Variants in SNTG1 observed in about 807,000 individuals in gnomAD.
SNTG1 encodes syntrophin gamma 1.
In SNTG1, 39 loss-of-function variants were observed where a neutral mutation model predicts 74.7. That is an observed-to-expected ratio of 0.52 (90% CI 0.40 to 0.68). SNTG1 has a LOEUF of 0.68. SNTG1 is among the 30% of genes least tolerant of loss of function. The pLI is 0.00. For missense variants in SNTG1, 685 were observed against 609.5 expected (o/e 1.12, Z -1.30); for synonymous variants, 254 against 217.1 (o/e 1.17, Z -1.49).
intron 18 of SNTG1, among the ~76,000 whole-genome samples, chr8:50,784,108 G>A (rs2095667868): frequency 6.6e-6 from 1 of 152,176 alleles, no homozygotes; most frequent in South Asian, 2.1e-4. Flanking sequence ...AAGAGTAGGA[G>A]ATCCAGTTCG....
chr8:49,945,856 C>G (rs1296153607), intron 1 of SNTG1, among the ~76,000 whole-genome samples: 1 of 152,192 alleles, frequency 6.6e-6, no homozygotes, highest in Non-Finnish European at 1.5e-5. Context: ...GGACCAAGAA[C>G]AAGGGGATAT....
chr8:50,082,392 C>T (rs1240999421), intron 1 of SNTG1, among the ~76,000 whole-genome samples: 1 of 152,086 alleles, frequency 6.6e-6, no homozygotes, highest in Admixed American at 6.6e-5. Context: ...CTGACTTTTC[C>T]ACAGTATGTT....
intron 17 of SNTG1, among the ~76,000 whole-genome samples, chr8:50,735,540 T>G (rs2095526229): frequency 6.6e-6 from 1 of 151,654 alleles, no homozygotes; most frequent in African/African-American, 2.4e-5. Context: ...AAGATCAACT[T>G]AATGAAATAA....
intron 18 of SNTG1, among the ~76,000 whole-genome samples, chr8:50,770,946 AC>A (rs1193884175): frequency 6.6e-6 from 1 of 152,070 alleles, no homozygotes; most frequent in African/African-American, 2.4e-5. Flanking sequence ...TGGCTGCCCA[AC>A]CTTGAACTTT....
At chr8:50,608,667 T>A (rs2094829879) in intron 13 of SNTG1, among the ~76,000 whole-genome samples, 1 of 152,016 alleles carries the variant, frequency 6.6e-6, no homozygotes, top group African/African-American at 2.4e-5. Context: ...TGACAATATC[T>A]ACCATTTGAT....
At chr8:50,429,289 G>C (rs1312559457) in intron 4 of SNTG1, among the ~76,000 whole-genome samples, 2 of 151,932 alleles carry the variant, frequency 1.3e-5, no homozygotes, top group Non-Finnish European at 1.5e-5. Flanking sequence ...CATAACGATA[G>C]ACATAATAGA....
At chr8:50,364,162 G>A (rs1187922501) in intron 2 of SNTG1, among the ~76,000 whole-genome samples, 3 of 152,128 alleles carry the variant, frequency 2.0e-5, no homozygotes, top group African/African-American at 7.2e-5. Context: ...CCTTCCTAGA[G>A]GTTGGGGAAT....
intron 1 of SNTG1, among the ~76,000 whole-genome samples, chr8:50,104,046 G>A (rs999261766): frequency 6.6e-6 from 1 of 152,172 alleles, no homozygotes; most frequent in East Asian, 1.9e-4. Flanking sequence ...TCTCTGCCCA[G>A]CTTTGGCATC....
At chr8:50,572,625 G>A (rs147633434) in intron 12 of SNTG1, among the ~76,000 whole-genome samples, 2 of 152,178 alleles carry the variant, frequency 1.3e-5, no homozygotes, top group African/African-American at 2.4e-5. Flanking sequence ...AAGTAAAAGG[G>A]CATAAAAGGA....
intron 2 of SNTG1, among the ~76,000 whole-genome samples, chr8:50,357,228 G>A (rs1308115148): frequency 6.6e-6 from 1 of 151,912 alleles, no homozygotes. Context: ...TTCTCCCTGG[G>A]GTCTCCCCCT....
At chr8:49,960,677 A>C (rs754150127) in intron 1 of SNTG1, among the ~76,000 whole-genome samples, 2 of 152,140 alleles carry the variant, frequency 1.3e-5, no homozygotes, top group African/African-American at 4.8e-5. Flanking sequence ...CATATATCAC[A>C]TGTAAGTGAG....
intron 10 of SNTG1, among the ~76,000 whole-genome samples, chr8:50,530,622 A>T (rs2094259213): frequency 6.6e-6 from 1 of 152,198 alleles, no homozygotes. Flanking sequence ...ACTAAAAGTA[A>T]CTATTTAATT....
At chr8:50,469,064 C>A (rs569280128) in intron 8 of SNTG1, among the ~76,000 whole-genome samples, 1 of 152,190 alleles carries the variant, frequency 6.6e-6, no homozygotes, top group East Asian at 1.9e-4. Context: ...TATTTACTTG[C>A]GTTTATTCTT....
At chr8:50,151,117 A>G (rs955775907) in intron 1 of SNTG1, among the ~76,000 whole-genome samples, 1 of 152,092 alleles carries the variant, frequency 6.6e-6, no homozygotes, top group Non-Finnish European at 1.5e-5. Flanking sequence ...CAGGGATTCA[A>G]CTTCTTCCTG....
Position 50,752,009 on chromosome 8 carries a change from T to A in SNTG1, c.1293T>A (p.Leu431=). 1.3e-6 allele frequency: 2 copies of A among 1,562,144 alleles called. No individual in the cohort carries two copies. Among genetic ancestry groups the A allele is most frequent in the Non-Finnish European group, 1.7e-6 (2 of 1,160,450 alleles). ...ICFDAATKAV[L]WRYKFSQLKG... ...TTTTTTCCCCCCTTTAGGCTGTCCT[T>A]TGGAGGTATAAATTCTCTCAGCTTA... The change falls in exon 18 of 19, where the codon CTT becomes CTA. Residue 431 remains leucine (L), a synonymous_variant. Transcript: ENST00000642720.
intron 2 of SNTG1, among the ~76,000 whole-genome samples, chr8:50,215,732 C>T (rs2084758502): frequency 6.6e-6 from 1 of 151,992 alleles, no homozygotes; most frequent in Non-Finnish European, 1.5e-5. Flanking sequence ...GACATATCTT[C>T]TGAGACTAAA....
intron 2 of SNTG1, among the ~76,000 whole-genome samples, chr8:50,244,412 G>A (rs559821671): frequency 1.3e-5 from 2 of 152,166 alleles, no homozygotes; most frequent in East Asian, 1.9e-4. Context: ...TATCAAGGGA[G>A]GCCTACAAAA....
At chr8:49,957,349 T>A (rs188898735) in intron 1 of SNTG1, among the ~76,000 whole-genome samples, 2 of 152,240 alleles carry the variant, frequency 1.3e-5, no homozygotes. Context: ...TTTCTTCTCA[T>A]TCCAATGAAA....
chr8:50,282,010 C>CA (rs2088487203), intron 2 of SNTG1, among the ~76,000 whole-genome samples: 2 of 152,130 alleles, frequency 1.3e-5, no homozygotes, highest in South Asian at 4.1e-4. Context: ...TTTTAAAGTT[C>CA]ACCTTGATCA....
Sources: allele counts gnomAD v4.1 joint callset (sites outside exome capture counted in the v4.1 genomes callset), GRCh38; gene constraint gnomAD v4.1.1; transcripts MANE v1.5; gene names NCBI Gene and HGNC (gene_info 2026-07-23, HGNC 2026-07-21).